Variants in NRG4 observed in about 807,000 individuals in gnomAD.
The protein encoded by NRG4 is neuregulin 4, also known as pro-neuregulin-4, membrane-bound isoform.
In NRG4, 10 loss-of-function variants were observed where a neutral mutation model predicts 15.0. That is an observed-to-expected ratio of 0.67 (90% CI 0.41 to 1.13). NRG4 has a LOEUF of 1.13. Ranked by LOEUF, NRG4 falls within the 50% of genes most tolerant of loss-of-function variation. The pLI is 0.00. For missense variants in NRG4, 139 were observed against 140.2 expected (o/e 0.99, Z 0.04); for synonymous variants, 41 against 50.1 (o/e 0.82, Z 0.77).
intron 3 of NRG4, among the ~76,000 whole-genome samples, chr15:75,968,779 GAAGAAA>G (rs931665658): frequency 1.3e-5 from 2 of 151,852 alleles, no homozygotes; most frequent in African/African-American, 2.4e-5. Context: ...TAAAAAATCA[GAAGAAA>G]AAGTAAAACT....
At chr15:75,962,117 T>A (rs58044283) in intron 3 of NRG4, 143 bp from the exon 4 acceptor site, 1 of 553,370 alleles carries the variant, frequency 1.8e-6, no homozygotes, top group Non-Finnish European at 3.1e-6. Flanking sequence ...TTTCCTATAA[T>A]GCTCACAGAT....
chr15:76,015,635 T>C (rs1204680854), upstream of NRG4, among the ~76,000 whole-genome samples: 1 of 152,238 alleles, frequency 6.6e-6, no homozygotes, highest in South Asian at 2.1e-4. Context: ...TCTGTTTATG[T>C]GATGGATTAC....
intron 5 of NRG4, among the ~76,000 whole-genome samples, chr15:76,032,128 T>C (rs1169017977): frequency 6.6e-6 from 1 of 152,180 alleles, no homozygotes; most frequent in Non-Finnish European, 1.5e-5. Flanking sequence ...TTAAGGTTTG[T>C]TTCAAACCAC....
At chr15:75,993,963 C>T (rs2034120973) in intron 3 of NRG4, among the ~76,000 whole-genome samples, 1 of 152,018 alleles carries the variant, frequency 6.6e-6, no homozygotes, top group Non-Finnish European at 1.5e-5. Context: ...TTATTATCTG[C>T]TAATTGCAAT....
At chr15:75,960,652 C>T (rs537736562) in intron 4 of NRG4, among the ~76,000 whole-genome samples, 1 of 152,084 alleles carries the variant, frequency 6.6e-6, no homozygotes, top group African/African-American at 2.4e-5. Flanking sequence ...GGCAGCATCC[C>T]AAGTAGTCTA....
chr15:76,000,579 A>G (rs1313212342), intron 3 of NRG4, among the ~76,000 whole-genome samples: 1 of 152,270 alleles, frequency 6.6e-6, no homozygotes, highest in Non-Finnish European at 1.5e-5. Context: ...TCAAAATAAC[A>G]TAATCTCTAT....
chr15:76,017,151 C>T (rs2035001673), upstream of NRG4, among the ~76,000 whole-genome samples: 3 of 122,422 alleles, frequency 2.5e-5, no homozygotes, highest in Non-Finnish European at 5.0e-5. Context: ...ATTGCAACCC[C>T]TGCCTTTTTT....
intron 3 of NRG4, among the ~76,000 whole-genome samples, chr15:75,999,921 G>A (rs78514161): frequency 0.037 from 5,603 of 152,160 alleles, 178 homozygotes; most frequent in African/African-American, 0.085. Context: ...AGCTACTCAG[G>A]AGGCCAGCCT....
chr15:76,001,863 A>G (rs1200578183), intron 3 of NRG4, among the ~76,000 whole-genome samples: 1 of 152,182 alleles, frequency 6.6e-6, no homozygotes, highest in Non-Finnish European at 1.5e-5. Context: ...GCCTACAACA[A>G]ACACATAACA....
chr15:75,948,800 A>AG (rs2031699137), intron 5 of NRG4, among the ~76,000 whole-genome samples: 1 of 152,128 alleles, frequency 6.6e-6, no homozygotes, highest in African/African-American at 2.4e-5. Context: ...CTGTAATCCC[A>AG]GCACTTTGGG....
chr15:76,059,714 CCCCCTGCCCAGCTCAGGCCGCCAG>C (rs1170684103), exon 1 of NRG4: 1 of 151,600 alleles, frequency 6.6e-6, no homozygotes, highest in African/African-American at 2.4e-5. Flanking sequence ...CCCGCCTCCG[CCCCCTGCCCAGCTCAGGCCGCCAG>C]CCCCTGCCAG....
chr15:75,935,687 T>TA, downstream of NRG4: 1 of 151,470 alleles, frequency 6.6e-6, no homozygotes, highest in South Asian at 2.1e-4. Flanking sequence ...ACCCTCAACC[T>TA]ACGAGGCCAG....
chr15:76,001,154 T>G (rs924474159), intron 3 of NRG4, among the ~76,000 whole-genome samples: 21 of 151,904 alleles, frequency 1.4e-4, no homozygotes, highest in African/African-American at 4.1e-4. Context: ...CCTGGTATTT[T>G]TTTTGTTTTG....
Position 75,961,489 on chromosome 15 carries a change from C to T in NRG4, c.251+339G>A, listed in dbSNP as rs146753702. 8.5e-5 allele frequency among the ~76,000 whole-genome samples: 13 copies of T among 152,216 alleles called. No homozygotes were observed. The South Asian group carries it at 1.4e-3, about 17-fold the overall frequency. On this transcript the variant is annotated intron_variant, in intron 4 of 5. Coordinates refer to ENST00000394907, the MANE Select transcript of NRG4 (RefSeq NM_138573.4). ...TCTTAAGCTAACATGTACAGTATTG[C>T]GTAAGTTGTTCCTTTTCTTTCACAT...
intron 2 of NRG4, among the ~76,000 whole-genome samples, chr15:76,054,351 A>G (rs900093475): frequency 2.0e-5 from 3 of 151,768 alleles, no homozygotes; most frequent in Non-Finnish European, 4.4e-5. Flanking sequence ...TCAGCCTCCC[A>G]AAGTGCTAGG....
intron 3 of NRG4, among the ~76,000 whole-genome samples, chr15:76,008,867 T>C (rs977252500): frequency 6.6e-6 from 1 of 152,184 alleles, no homozygotes; most frequent in Admixed American, 6.5e-5. Flanking sequence ...GCAAATTCCC[T>C]AGCTGTTTTG....
chr15:76,010,792 G>C (rs2034782682), intron 2 of NRG4, among the ~76,000 whole-genome samples: 1 of 152,126 alleles, frequency 6.6e-6, no homozygotes, highest in African/African-American at 2.4e-5. Flanking sequence ...AGGGTGGAAT[G>C]TAACTTTATC....
chr15:76,023,183 C>CACACACAA (rs67858639), intron 5 of NRG4, among the ~76,000 whole-genome samples: 345 of 112,502 alleles, frequency 3.1e-3, no homozygotes, highest in East Asian at 9.6e-3. Flanking sequence ...CACACACACA[C>CACACACAA]AAGCAAGGAC....
At chr15:76,028,903 C>CAAAAA (rs34533266) in intron 5 of NRG4, among the ~76,000 whole-genome samples, 1 of 54,292 alleles carries the variant, frequency 1.8e-5, no homozygotes, top group East Asian at 5.9e-4. Context: ...ACTCCTCCTC[C>CAAAAA]AAAAAAAAAA....
Sources: gnomAD v4.1 joint callset for allele counts (sites outside exome capture counted in the v4.1 genomes callset) on GRCh38, gnomAD v4.1.1 for gene constraint, MANE v1.5 for transcripts, NCBI Gene and HGNC (gene_info 2026-07-23, HGNC 2026-07-21) for gene names.